Variants in QTMAN observed in about 807,000 individuals in gnomAD.
The protein encoded by QTMAN is queuosine-tRNA mannosyltransferase.
At chr2:144,013,181 A>G in the QTMAN span, among the ~76,000 whole-genome samples, 7,829 of 152,218 alleles carry the variant, frequency 0.051, 333 homozygotes, top group African/African-American at 0.11. Context: ...ACTATATATT[A>G]TAAATATGTT....
the QTMAN span, among the ~76,000 whole-genome samples, chr2:144,324,686 C>G: frequency 6.6e-6 from 1 of 152,104 alleles, no homozygotes; most frequent in African/African-American, 2.4e-5. Flanking sequence ...CCAAGGTAAT[C>G]AAGATATGAA....
At chr2:144,243,047 C>T in the QTMAN span, among the ~76,000 whole-genome samples, 1 of 151,204 alleles carries the variant, frequency 6.6e-6, no homozygotes, top group Non-Finnish European at 1.5e-5. Context: ...TGGAGTAACC[C>T]CAGTTAATCC....
chr2:144,011,713 T>C, the QTMAN span: 1 of 984,380 alleles, frequency 1.0e-6, no homozygotes, highest in Non-Finnish European at 1.2e-6. Context: ...CTGGACAGAA[T>C]GTTTGTGCTG....
the QTMAN span, chr2:144,211,124 T>G: frequency 6.6e-6 from 1 of 152,176 alleles, no homozygotes; most frequent in African/African-American, 2.4e-5. Flanking sequence ...TTCTTATGGG[T>G]CTGGTTCACG....
chr2:144,093,952 A>C, the QTMAN span, among the ~76,000 whole-genome samples: 1 of 152,210 alleles, frequency 6.6e-6, no homozygotes, highest in African/African-American at 2.4e-5. Flanking sequence ...AGAAGGCATG[A>C]CCAATCTCCA....
the QTMAN span, among the ~76,000 whole-genome samples, chr2:144,154,469 C>G: frequency 6.6e-6 from 1 of 152,046 alleles, no homozygotes; most frequent in Non-Finnish European, 1.5e-5. Flanking sequence ...TACTCCTTAA[C>G]ACAAGAGGAA....
chr2:144,028,602 C>T, the QTMAN span, among the ~76,000 whole-genome samples: 2 of 152,072 alleles, frequency 1.3e-5, no homozygotes, highest in East Asian at 3.9e-4. Context: ...GATGAGACCA[C>T]GCTTCCACCG....
chr2:144,152,970 GAACT>G, the QTMAN span, among the ~76,000 whole-genome samples: 2 of 152,270 alleles, frequency 1.3e-5, no homozygotes, highest in South Asian at 4.1e-4. Flanking sequence ...GAAGAAAAGA[GAACT>G]AAGAGCAGTG....
chr2:143,945,973 A>G, the QTMAN span: 1 of 152,254 alleles, frequency 6.6e-6, no homozygotes, highest in African/African-American at 2.4e-5. Flanking sequence ...TGAGAAACAC[A>G]TAGGTAGATG....
At chr2:144,258,291 G>A in the QTMAN span, among the ~76,000 whole-genome samples, 1 of 148,408 alleles carries the variant, frequency 6.7e-6, no homozygotes, top group African/African-American at 2.5e-5. Flanking sequence ...TATAATAAAA[G>A]AAAACTTTTA....
At chr2:143,968,770 C>T in the QTMAN span, among the ~76,000 whole-genome samples, 2 of 152,130 alleles carry the variant, frequency 1.3e-5, no homozygotes, top group Admixed American at 6.5e-5. Flanking sequence ...TGTATAGCCA[C>T]CCATCTATCA....
chr2:144,333,061 G>C, the QTMAN span, among the ~76,000 whole-genome samples: 1 of 151,400 alleles, frequency 6.6e-6, no homozygotes, highest in African/African-American at 2.4e-5. Context: ...GCAGCCCGGA[G>C]CTCCTCCACA....
At chr2:143,997,422 TG>T in the QTMAN span, among the ~76,000 whole-genome samples, 4 of 152,158 alleles carry the variant, frequency 2.6e-5, no homozygotes, top group African/African-American at 7.2e-5. Flanking sequence ...TTTCAGTTTC[TG>T]AAGGTCAAAT....
the QTMAN span, among the ~76,000 whole-genome samples, chr2:144,120,060 T>A: frequency 6.6e-6 from 1 of 152,136 alleles, no homozygotes; most frequent in Admixed American, 6.5e-5. Context: ...TCATGATAAA[T>A]CTTCAGAAAT....
the QTMAN span, among the ~76,000 whole-genome samples, chr2:144,199,472 G>C: frequency 3.3e-5 from 5 of 152,160 alleles, no homozygotes; most frequent in African/African-American, 9.7e-5. Context: ...CCTGTAGAGA[G>C]AGATAGCTAA....
the QTMAN span, among the ~76,000 whole-genome samples, chr2:143,974,657 A>C: frequency 6.6e-6 from 1 of 152,210 alleles, no homozygotes; most frequent in Non-Finnish European, 1.5e-5. Flanking sequence ...AGGTATACCG[A>C]AAGTTAATGG....
chr2:144,051,613 G>A, the QTMAN span, among the ~76,000 whole-genome samples: 14 of 152,234 alleles, frequency 9.2e-5, no homozygotes, highest in African/African-American at 3.4e-4. Context: ...GAGAACATAC[G>A]TTACTCCTGA....
chr2:144,110,690 A>C, the QTMAN span, among the ~76,000 whole-genome samples: 6,015 of 116,810 alleles, frequency 0.051, 258 homozygotes, highest in African/African-American at 0.17. Flanking sequence ...CCCCCCCCCA[A>C]AAAAAAAAAA....
chr2:144,297,041 T>A, the QTMAN span, among the ~76,000 whole-genome samples: 1 of 152,326 alleles, frequency 6.6e-6, no homozygotes, highest in Admixed American at 6.5e-5. Context: ...TAAATTGATT[T>A]CCTCTGATAC....
Sources: gnomAD v4.1 joint callset for allele counts (sites outside exome capture counted in the v4.1 genomes callset) on GRCh38, gnomAD v4.1.1 for gene constraint, MANE v1.5 for transcripts, NCBI Gene and HGNC (gene_info 2026-07-23, HGNC 2026-07-21) for gene names.